CSF1R: variants seen among roughly 807,000 people sequenced by gnomAD.
CSF1R encodes the protein colony stimulating factor 1 receptor.
CSF1R carries 40 observed loss-of-function variants against 110.0 expected under a neutral mutation model. The ratio of observed to expected loss-of-function variants is 0.36; its 90% CI spans 0.28 to 0.47. The LOEUF (loss-of-function observed/expected upper bound fraction) is 0.47. Ranked by LOEUF, CSF1R falls within the 20% of genes least tolerant of loss-of-function variation. CSF1R has a pLI of 0.99. For synonymous variants in CSF1R, 523 were observed against 503.4 expected (o/e 1.04, Z -0.52); for missense variants, 1,052 against 1,253.0 (o/e 0.84, Z 2.42).
rs373828759 is a variant in CSF1R at position 150,070,529 on chromosome 5, C to T, written c.1125G>A (p.Glu375=). Residue 375 remains glutamate (E), a synonymous_variant, in exon 7 of 21, where the codon GAG becomes GAA. Coordinates refer to ENST00000675795, the MANE Select transcript of CSF1R (RefSeq NM_001288705.3). ...TLSLPRLKPS[E]AGRYSFLARN... Reference sequence around the variant, plus strand: ...TGGCCAGGAAGGAGTAGCGGCCAGCCTCAGAGGGCTTCAGGCGGGGCAGAG... The same window carrying T: ...TGGCCAGGAAGGAGTAGCGGCCAGCTTCAGAGGGCTTCAGGCGGGGCAGAG... 23 of 1,551,134 alleles carry T rather than the reference C, an allele frequency of 1.5e-5. No individual in the cohort carries two copies. The African/African-American group carries it at 3.0e-4, about 20-fold the overall frequency.
chr5:150,093,330 C>T (rs1462200729), intron 1 of CSF1R, among the ~76,000 whole-genome samples: 3 of 152,138 alleles, frequency 2.0e-5, no homozygotes, highest in African/African-American at 4.8e-5. Flanking sequence ...CTGCCTGCTT[C>T]GGCCTCCCAA....
At chr5:150,059,676 T>A (rs751249903) in intron 14 of CSF1R, 24 bp downstream of exon 14, 2 of 1,611,338 alleles carry the variant, frequency 1.2e-6, no homozygotes, top group Non-Finnish European at 1.7e-6. Context: ...CCTGGCCTTT[T>A]TCTTGTCCTT....
intron 1 of CSF1R, among the ~76,000 whole-genome samples, chr5:150,095,341 G>A (rs1759190024): frequency 6.6e-6 from 1 of 151,786 alleles, no homozygotes; most frequent in African/African-American, 2.4e-5. Flanking sequence ...TCATCTCAAG[G>A]GCATATAGAA....
chr5:150,078,685 C>T (rs534886724), intron 3 of CSF1R, among the ~76,000 whole-genome samples: 14 of 152,308 alleles, frequency 9.2e-5, no homozygotes, highest in African/African-American at 2.6e-4. Context: ...TGTTTCTGAC[C>T]GCCCTGATAA....
In CSF1R at chr5:150,073,294, G is replaced by T. The variant is rs759533818; in HGVS notation, c.1082+7C>A. ...GGGCTGTGTAGACGGGAGCTGATAAGTGGTACCTGTATGTGTCCTTGGTGG... is the reference window on the plus strand; with the variant it reads ...GGGCTGTGTAGACGGGAGCTGATAATTGGTACCTGTATGTGTCCTTGGTGG... On this transcript the variant is annotated splice_region_variant and intron_variant, in intron 6 of 20. Transcript: ENST00000675795. 6.2e-7 allele frequency: 1 copy of T among 1,610,636 alleles called. No homozygotes were observed.
rs11949972 is a variant in CSF1R, at chr5:150,057,752, C to T, written c.2133-160G>A. ...ATCTGAGTGAGCATTGGTCTCTGCT[C>T]GGCTGTCCCCGGTGAGGGAGCTTAC... On this transcript the variant is annotated intron_variant, in intron 14 of 20. Coordinates refer to ENST00000675795, the MANE Select transcript of CSF1R (RefSeq NM_001288705.3). 0.091 allele frequency among the ~76,000 whole-genome samples: 13,833 copies of T among 152,136 alleles called. 2,102 individuals are homozygous for T. Among genetic ancestry groups the T allele is most frequent in the African/African-American group, 0.32 (13,106 of 41,384 alleles).
intron 1 of CSF1R, among the ~76,000 whole-genome samples, chr5:150,093,251 G>A (rs2113854658): frequency 6.6e-6 from 1 of 152,152 alleles, no homozygotes; most frequent in South Asian, 2.1e-4. Flanking sequence ...GCTAATTTTT[G>A]CATTTTTAGT....
intron 1 of CSF1R, among the ~76,000 whole-genome samples, chr5:150,084,462 GA>G (rs1378689946): frequency 1.1e-5 from 1 of 93,732 alleles, no homozygotes. Context: ...AAGGAAGAAA[GA>G]AAGGAAGGAG....
chr5:150,083,652 G>A (rs890204057), intron 1 of CSF1R, among the ~76,000 whole-genome samples: 2 of 151,894 alleles, frequency 1.3e-5, no homozygotes, highest in Admixed American at 1.3e-4. Context: ...CCCTGTGAAG[G>A]GAAAATAAAA....
intron 1 of CSF1R, among the ~76,000 whole-genome samples, chr5:150,081,313 G>T (rs1758533714): frequency 6.6e-6 from 1 of 152,176 alleles, no homozygotes; most frequent in South Asian, 2.1e-4. Context: ...TCAGCCTCCT[G>T]CCTCAGTCTT....
chr5:150,058,379 C>T (rs1384074287), intron 14 of CSF1R: 2 of 454,774 alleles, frequency 4.4e-6, no homozygotes, highest in Admixed American at 4.7e-5. Context: ...CCTCCTGTCC[C>T]CTCTGCGCTA....
intron 10 of CSF1R, among the ~76,000 whole-genome samples, chr5:150,062,469 G>C (rs1433419303): frequency 6.8e-6 from 1 of 146,548 alleles, no homozygotes. Flanking sequence ...TGCTGTCTCT[G>C]TGAATTGCAC....
chr5:150,104,302 G>T (rs753140217), intron 1 of CSF1R, among the ~76,000 whole-genome samples: 3 of 152,250 alleles, frequency 2.0e-5, no homozygotes, highest in Admixed American at 1.3e-4. Context: ...AGTCCTGAGG[G>T]ATGGCCTAGG....
chr5:150,073,643 C>T (rs1758127540), intron 5 of CSF1R, 150 bp from the exon 6 acceptor site: 2 of 683,860 alleles, frequency 2.9e-6, no homozygotes, highest in African/African-American at 1.8e-5. Context: ...CTCTGACACC[C>T]CTCTTCTCAC....
chr5:150,110,150 C>T (rs1462909713), intron 1 of CSF1R, among the ~76,000 whole-genome samples: 1 of 152,204 alleles, frequency 6.6e-6, no homozygotes, highest in Non-Finnish European at 1.5e-5. Flanking sequence ...TCGTATCCAC[C>T]TTTCCCACCA....
chr5:150,081,487 G>A (rs558675000), intron 1 of CSF1R, among the ~76,000 whole-genome samples: 1 of 152,164 alleles, frequency 6.6e-6, no homozygotes, highest in African/African-American at 2.4e-5. Flanking sequence ...AGAGATGTAG[G>A]ATCTTAGCCC....
chr5:150,059,058 T>G (rs1274098961), intron 14 of CSF1R, among the ~76,000 whole-genome samples: 1 of 152,112 alleles, frequency 6.6e-6, no homozygotes, highest in Non-Finnish European at 1.5e-5. Flanking sequence ...CTCTCTTTTT[T>G]TTTGAGACGG....
intron 1 of CSF1R, among the ~76,000 whole-genome samples, chr5:150,083,299 C>T (rs1353769629): frequency 6.7e-6 from 1 of 148,842 alleles, no homozygotes; most frequent in African/African-American, 2.5e-5. Context: ...GCCTGGAAGC[C>T]CCTCCCTCAT....
chr5:150,068,308 A>T lies in CSF1R; in HGVS notation c.1533T>A (p.Asp511Glu). The change falls in exon 10 of 21, where the codon GAT (aspartate) becomes GAA (glutamate). Residue 511 changes from aspartate to glutamate, a missense_variant. Coordinates refer to ENST00000675795, the MANE Select transcript of CSF1R (RefSeq NM_001288705.3). ...CCACCACTGGTGTGAAGAGGAACTC[A>T]TCCGGGGGATGCGTGTGGGCTCCTG... Reference protein sequence around the residue: ...ISAGAHTHPPDEFLFTPVVVA... With the variant: ...ISAGAHTHPPEEFLFTPVVVA... 2 of 1,612,284 alleles carry T rather than the reference A, an allele frequency of 1.2e-6. No individual in the cohort carries two copies. Among genetic ancestry groups the T allele is most frequent in the Non-Finnish European group, 1.7e-6 (2 of 1,179,234 alleles).
Sources: gnomAD v4.1 joint callset for allele counts (sites outside exome capture counted in the v4.1 genomes callset) on GRCh38, gnomAD v4.1.1 for gene constraint, MANE v1.5 for transcripts, NCBI Gene and HGNC (gene_info 2026-07-23, HGNC 2026-07-21) for gene names.